The following AOC1 variants were observed in gnomAD, a reference collection of about 807,000 sequenced individuals.
AOC1 encodes the protein diamine oxidase [copper-containing].
A neutral mutation model predicts 57.1 loss-of-function variants in AOC1; 58 were observed. The observed-to-expected ratio is 1.02, with a 90% CI of 0.82 to 1.26. AOC1 has a LOEUF of 1.26. Among genes scored for constraint, AOC1 ranks in the 50% most tolerant of loss-of-function variants. The probability of loss-of-function intolerance (pLI) is 0.00; values close to 1 mark genes in which losing one functional copy is unlikely to be tolerated. For synonymous variants in AOC1, 401 were observed against 423.4 expected, an observed-to-expected ratio of 0.95 and a Z score of 0.65; for missense variants, 917 against 1,005.3, an observed-to-expected ratio of 0.91 and a Z score of 1.19.
In AOC1 at chr7:150,861,414, A is replaced by T. The variant is rs1799966626; in HGVS notation, c.*205A>T. 5.3e-6 allele frequency: 3 copies of T among 563,798 alleles called. No homozygotes were observed. The highest frequency in any genetic ancestry group is 9.0e-6 in the Non-Finnish European group (3 of 332,038). The allele number at this position is 563,798 out of a possible 1,614,324, so 34.9% of individuals were successfully genotyped here. On this transcript the variant is annotated 3_prime_UTR_variant, in exon 5 of 5. Coordinates refer to ENST00000360937, the MANE Select transcript of AOC1 (RefSeq NM_001091.4). This position sits in a 1 kb window ranked among gnomAD's most constrained non-coding sequence, Gnocchi z 4.5. The stretch of plus-strand genomic sequence containing the variant: ...TGCACACACACACAGACGTGCACAC[A>T]CACAGACGTGCACGCACTCACACGG...
In AOC1 at chr7:150,857,738, CA is replaced by C. The variant is rs779995433; in HGVS notation, c.1269del (p.Val425CysfsTer21). 3.1e-6 allele frequency: 5 copies of C among 1,614,222 alleles called. No individual in the cohort carries two copies. Among genetic ancestry groups the C allele is most frequent in the Non-Finnish European group, 4.2e-6 (5 of 1,180,012 alleles). On this transcript the variant is annotated frameshift_variant, in exon 2 of 5. Transcript: ENST00000360937. LOFTEE classifies it high-confidence loss of function. This position sits in a 1 kb window ranked among gnomAD's most constrained non-coding sequence, Gnocchi z 6.6. ...PRALCLFEMP[T>X]GVPLRRHFNS... The stretch of plus-strand genomic sequence containing the variant: ...GCCCTCTGCCTCTTTGAAATGCCCA[CA>C]GGGGTGCCCCTTCGGCGGCACTTTA...
Position 150,860,567 on chromosome 7 carries a change from C to T in AOC1, c.1923C>T (p.Asn641=), listed in dbSNP as rs1365935143. ...ELCSSSIYHQ[N]DPWHPPVVFE... is the part of the protein sequence containing the mutation. ...GCAGCAGCAGCATCTACCACCAGAA[C>T]GACCCCTGGCACCCGCCCGTGGTCT... is the stretch of plus-strand genomic sequence containing the variant. Residue 641 remains asparagine, a synonymous_variant, in exon 4 of 5, where the codon AAC becomes AAT. Transcript: ENST00000360937. 13 of 1,613,924 alleles carry T rather than the reference C, an allele frequency of 8.1e-6. No homozygotes were observed. Among genetic ancestry groups the T allele is most frequent in the African/African-American group, 1.3e-5 (1 of 74,924 alleles).
intron 2 of AOC1, 77 bp downstream of exon 2, chr7:150,858,117 A>G (rs1459049336): frequency 7.5e-6 from 11 of 1,472,224 alleles, no homozygotes; most frequent in African/African-American, 2.8e-5. Flanking sequence ...AGACGGCACT[A>G]TAACTCCCTG....
In AOC1 at chr7:150,858,818, C is replaced by T; in HGVS notation, c.1626C>T (p.Pro542=). Residue 542 remains proline, a synonymous_variant, in exon 3 of 5, where the codon CCC becomes CCT. Transcript: ENST00000360937. ...LQMKLENITN[P]WSPRHRVVQP... ...TGAAGCTAGAAAACATCACCAACCC[C>T]TGGAGCCCAAGACACCGCGTGGTCC... is the stretch of plus-strand genomic sequence containing the variant. 1 of 1,613,124 alleles carries T rather than the reference C, an allele frequency of 6.2e-7. No homozygotes were observed. Among genetic ancestry groups the T allele is most frequent in the Non-Finnish European group, 8.5e-7 (1 of 1,179,132 alleles).
At chr7:150,858,667 T>G in intron 2 of AOC1, 96 bp from the exon 3 acceptor site, 3 of 1,313,712 alleles carry the variant, frequency 2.3e-6, no homozygotes, top group Non-Finnish European at 3.1e-6. Flanking sequence ...CAGTTGGCTG[T>G]TGGATGTGGT....
rs1485925902 is a variant in AOC1 at position 150,860,965 on chromosome 7, T to C, written c.2012T>C (p.Val671Ala). 7 of 1,613,150 alleles carry C rather than the reference T, an allele frequency of 4.3e-6. No individual in the cohort carries two copies. The East Asian group carries it at 1.3e-4, about 31-fold the overall frequency. ...CAGGACCTGGTGGCCTGGGTGACGG[T>C]GGGCTTCCTGCACATCCCCCACTCA... is the stretch of plus-strand genomic sequence containing the variant. The part of the protein sequence containing the change: ...ENEDLVAWVT[V>A]GFLHIPHSED... Residue 671 changes from valine to alanine, a missense_variant, in exon 5 of 5, where the codon GTG becomes GCG. Val to Ala is a moderately conservative substitution (Grantham distance 64). Coordinates refer to ENST00000360937, the MANE Select transcript of AOC1 (RefSeq NM_001091.4).
chr7:150,861,066 G>A lies in AOC1; in HGVS notation c.2113G>A (p.Asp705Asn). The change falls in exon 5 of 5, where the codon GAC becomes AAC. Residue 705 changes from aspartate (D) to asparagine (N), a missense_variant. Transcript: ENST00000360937. The surrounding 1 kb of genome is among the most constrained non-coding windows in gnomAD (Gnocchi z 4.5). The part of the protein sequence containing the change: ...LLRPFNFFPE[D>N]PSLASRDTVI... ...CCGGCCATTCAACTTCTTCCCAGAG[G>A]ACCCCTCCCTGGCATCCAGAGACAC... The A allele has an allele frequency of 1.2e-6, 2 of 1,614,102 alleles. No homozygotes were observed. Among genetic ancestry groups the A allele is most frequent in the Non-Finnish European group, 1.7e-6 (2 of 1,179,998 alleles).
chr7:150,853,661 CTATA>C (rs201712777), intron 1 of AOC1, among the ~76,000 whole-genome samples: 5,370 of 62,238 alleles, frequency 0.086, 125 homozygotes, highest in Middle Eastern at 0.14. Context: ...GAGATCCTGA[CTATA>C]TATATATATA....
At position 150,856,386 on chromosome 7, in the gene AOC1, G is replaced by A; in HGVS notation, c.-16-69G>A. 1 of 1,505,080 alleles carries A rather than the reference G, an allele frequency of 6.6e-7. No individual in the cohort carries two copies. Among genetic ancestry groups the A allele is most frequent in the Non-Finnish European group, 8.8e-7 (1 of 1,130,408 alleles). The allele number at this position is 1,505,080 out of a possible 1,614,324, so 93.2% of individuals were successfully genotyped here. ...GCTCAGTCCATGGGAAAATTCCATG[G>A]CCCTAACCTGAGGGAAGCCCATCTC... On this transcript the variant is annotated intron_variant, in intron 1 of 4. Coordinates refer to ENST00000360937, the MANE Select transcript of AOC1 (RefSeq NM_001091.4). This position sits in a 1 kb window ranked among gnomAD's most constrained non-coding sequence, Gnocchi z 5.2.
At position 150,857,952 on chromosome 7, in the gene AOC1, G is replaced by T. The variant is rs755477115; in HGVS notation, c.1482G>T (p.Gly494=). 2.6e-5 allele frequency: 42 copies of T among 1,606,176 alleles called. 1 individual carries two copies. The South Asian group carries it at 4.6e-4, about 18-fold the overall frequency. ...ACGCCACCTTCTACACCCCCGAGGGGCTGCGCCACGGCACTCGCCTGCACA... is the reference window on the plus strand; with the variant it reads ...ACGCCACCTTCTACACCCCCGAGGGTCTGCGCCACGGCACTCGCCTGCACA... The part of the protein sequence containing the change: ...YVHATFYTPE[G]LRHGTRLHTH... Residue 494 remains glycine (G), a synonymous_variant, in exon 2 of 5, where the codon GGG becomes GGT. Coordinates refer to ENST00000360937, the MANE Select transcript of AOC1 (RefSeq NM_001091.4). The surrounding 1 kb of genome is among the most constrained non-coding windows in gnomAD (Gnocchi z 6.6).
In AOC1 at chr7:150,860,356, C is replaced by A. The variant is rs1046603949; in HGVS notation, c.1857-145C>A. On this transcript the variant is annotated intron_variant, in intron 3 of 4. Transcript: ENST00000360937. ...CTGAACCCGGTTAACAGCAGCCCGT[C>A]CTGCTGACTCCCAGGACAGATGATC... is the stretch of plus-strand genomic sequence containing the variant. 1.5e-5 allele frequency: 21 copies of A among 1,431,476 alleles called. No homozygotes were observed. In the African/African-American group the frequency reaches 1.5e-4, roughly 11 times the overall value. The allele number at this position is 1,431,476 out of a possible 1,614,324, so 88.7% of individuals were successfully genotyped here.
At position 150,857,691 on chromosome 7, in the gene AOC1, T is replaced by A; in HGVS notation, c.1221T>A (p.Asp407Glu). ...FLDTFHYYDA[D>E]DPVHYPRALC... ...ACACTTTCCACTACTATGATGCCGA[T>A]GACCCGGTCCATTATCCCCGAGCCC... Residue 407 changes from aspartate (D) to glutamate (E), a missense_variant, in exon 2 of 5, where the codon GAT (aspartate) becomes GAA (glutamate). Asp to Glu is a conservative substitution (Grantham distance 45). Coordinates refer to ENST00000360937, the MANE Select transcript of AOC1 (RefSeq NM_001091.4). This position sits in a 1 kb window ranked among gnomAD's most constrained non-coding sequence, Gnocchi z 6.6. 1 of 1,614,144 alleles carries A rather than the reference T, an allele frequency of 6.2e-7. No individual in the cohort carries two copies. Among genetic ancestry groups the A allele is most frequent in the Admixed American group, 1.7e-5 (1 of 60,022 alleles).
At chr7:150,855,796 C>T (rs1425495785) in intron 1 of AOC1, among the ~76,000 whole-genome samples, 1 of 152,194 alleles carries the variant, frequency 6.6e-6, no homozygotes, top group Non-Finnish European at 1.5e-5. Flanking sequence ...GACATTGTTA[C>T]AAACACTTTA....
At chr7:150,853,703 T>G (rs866341493) in intron 1 of AOC1, among the ~76,000 whole-genome samples, 1 of 133,752 alleles carries the variant, frequency 7.5e-6, no homozygotes, top group African/African-American at 2.8e-5. Flanking sequence ...ATATATTTAT[T>G]TATTTATTTA....
At chr7:150,854,385 C>T (rs1799712668) in intron 1 of AOC1, among the ~76,000 whole-genome samples, 4 of 152,188 alleles carry the variant, frequency 2.6e-5, no homozygotes, top group South Asian at 4.1e-4. Flanking sequence ...AGAGAGCCCT[C>T]GGGTGATGGA....
At chr7:150,854,502 G>A (rs1371685915) in intron 1 of AOC1, among the ~76,000 whole-genome samples, 1 of 152,132 alleles carries the variant, frequency 6.6e-6, no homozygotes, top group Non-Finnish European at 1.5e-5. Context: ...ATGTTAGTTG[G>A]GGCCAAAAAC....
At position 150,860,998 on chromosome 7, in the gene AOC1, T is replaced by C; in HGVS notation, c.2045T>C (p.Ile682Thr). The C allele has an allele frequency of 1.2e-6, 2 of 1,613,904 alleles. No individual in the cohort carries two copies. The highest frequency in any genetic ancestry group is 2.2e-5 in the South Asian group (2 of 91,064). Residue 682 changes from isoleucine to threonine, a missense_variant, in exon 5 of 5, where the codon ATT (isoleucine) becomes ACT (threonine). Ile to Thr is a moderately conservative substitution (Grantham distance 89). Transcript: ENST00000360937. ...CTGCACATCCCCCACTCAGAGGACA[T>C]TCCCAACACAGCCACACCTGGGAAC... is the stretch of plus-strand genomic sequence containing the variant. ...GFLHIPHSED[I>T]PNTATPGNSV...
At chr7:150,853,710 T>C (rs906103970) in intron 1 of AOC1, among the ~76,000 whole-genome samples, 4 of 145,708 alleles carry the variant, frequency 2.7e-5, no homozygotes, top group Admixed American at 6.8e-5. Context: ...TATTTATTTA[T>C]TTATTTAAGT....
chr7:150,858,738 TCTC>T (rs776360032), intron 2 of AOC1, 22 bp from the exon 3 acceptor site: 3 of 1,568,514 alleles, frequency 1.9e-6, no homozygotes, highest in Admixed American at 1.8e-5. Flanking sequence ...TGATTCTCGT[TCTC>T]CTTCTCCCTG....
Sources: allele counts gnomAD v4.1 joint callset (sites outside exome capture counted in the v4.1 genomes callset), GRCh38; gene constraint gnomAD v4.1.1; non-coding constraint Gnocchi (gnomAD v3.1); transcripts MANE v1.5; gene names NCBI Gene and HGNC (gene_info 2026-07-23, HGNC 2026-07-21).